Variants in RASGRF1 observed in about 807,000 individuals in gnomAD.
The protein encoded by RASGRF1 is Ras protein specific guanine nucleotide releasing factor 1.
RASGRF1 carries 40 observed loss-of-function variants against 138.7 expected under a neutral mutation model. The ratio of observed to expected loss-of-function variants is 0.29; its 90% CI spans 0.22 to 0.38. The LOEUF (loss-of-function observed/expected upper bound fraction) is 0.38. Ranked by LOEUF, RASGRF1 falls within the 10% of genes least tolerant of loss-of-function variation. The pLI, the probability that RASGRF1 is intolerant of heterozygous loss-of-function variation, is 1.00. For synonymous variants in RASGRF1, 614 were observed against 663.2 expected (o/e 0.93, Z 1.14); for missense variants, 1,108 against 1,650.4 (o/e 0.67, Z 5.69).
chr15:78,984,926 C>G (rs1044308458), intron 23 of RASGRF1, 81 bp downstream of exon 23: 4 of 1,468,984 alleles, frequency 2.7e-6, no homozygotes, highest in Non-Finnish European at 3.8e-6. Flanking sequence ...TTGTGGATGC[C>G]CAGTGGCCAG....
In RASGRF1 at chr15:79,050,836, T is replaced by C. The variant is rs533807443; in HGVS notation, c.532-1248A>G. Among the ~76,000 whole-genome samples the C allele has an allele frequency of 6.6e-6, 1 of 152,204 alleles. No homozygotes were observed. Among genetic ancestry groups the C allele is most frequent in the East Asian group, 1.9e-4 (1 of 5,182 alleles). ...CCTTGTTTTGTGTCCTGTAGCAGGG[T>C]TCCCACAGCACCATGGACTTTCCTG... On this transcript the variant is annotated intron_variant, in intron 3 of 26. Coordinates refer to ENST00000558480, the MANE Select transcript of RASGRF1 (RefSeq NM_001145648.3). This position sits in a 1 kb window ranked among gnomAD's most constrained non-coding sequence, Gnocchi z 4.1.
chr15:79,005,129 G>A, intron 14 of RASGRF1: 1 of 985,484 alleles, frequency 1.0e-6, no homozygotes, highest in East Asian at 1.1e-4. Context: ...CTGGGAATCT[G>A]ATCATTGAGG....
rs1366399662 is a variant in RASGRF1 at position 79,073,007 on chromosome 15, C to T, written c.277-8481G>A. Among the ~76,000 whole-genome samples, 2 of 152,182 alleles carry T rather than the reference C, an allele frequency of 1.3e-5. No individual in the cohort carries two copies. Among genetic ancestry groups the T allele is most frequent in the Non-Finnish European group, 2.9e-5 (2 of 68,042 alleles). ...TTGCCTGGATCCCGGTTGGATTCCT[C>T]TGCGGAACAGCAGCATTGTTCTGGA... On this transcript the variant is annotated intron_variant, in intron 1 of 26. Coordinates refer to ENST00000558480, the MANE Select transcript of RASGRF1 (RefSeq NM_001145648.3). This position sits in a 1 kb window ranked among gnomAD's most constrained non-coding sequence, Gnocchi z 4.2.
At chr15:79,035,854 C>T (rs775369251) in intron 5 of RASGRF1, among the ~76,000 whole-genome samples, 3 of 152,238 alleles carry the variant, frequency 2.0e-5, no homozygotes, top group Non-Finnish European at 2.9e-5. Flanking sequence ...AGTTTCCCAA[C>T]ACCCAGTGAC....
chr15:79,028,434 G>A (rs1233360281), intron 8 of RASGRF1, among the ~76,000 whole-genome samples: 1 of 152,182 alleles, frequency 6.6e-6, no homozygotes, highest in East Asian at 1.9e-4. Context: ...CGCTGGCTCA[G>A]GGGATGACTG....
At chr15:79,018,032 G>A in intron 11 of RASGRF1, 126 bp from the exon 12 acceptor site, 2 of 1,155,056 alleles carry the variant, frequency 1.7e-6, no homozygotes, top group South Asian at 3.0e-5. Flanking sequence ...CAGGCCAATT[G>A]CTGCTACTTT....
At chr15:79,004,209 G>A (rs1269483193) in intron 14 of RASGRF1, 34 bp from the exon 15 acceptor site, 18 of 1,523,690 alleles carry the variant, frequency 1.2e-5, no homozygotes, top group Non-Finnish European at 1.5e-5. Context: ...ATGACAGTTA[G>A]CGTAGGCCTG....
intron 1 of RASGRF1, among the ~76,000 whole-genome samples, chr15:79,085,411 T>C (rs995622507): frequency 5.9e-5 from 9 of 152,216 alleles, no homozygotes; most frequent in African/African-American, 2.2e-4. Flanking sequence ...TCTTACTGGG[T>C]ACTCCAGGTC....
intron 2 of RASGRF1, among the ~76,000 whole-genome samples, chr15:79,059,831 C>T (rs1364848113): frequency 1.3e-5 from 2 of 152,110 alleles, no homozygotes; most frequent in African/African-American, 4.8e-5. Flanking sequence ...GATATTAATA[C>T]ACTCCAGTGC....
At chr15:79,039,663 G>T (rs1229460991) in intron 5 of RASGRF1, among the ~76,000 whole-genome samples, 1 of 152,118 alleles carries the variant, frequency 6.6e-6, no homozygotes, top group Non-Finnish European at 1.5e-5. Context: ...CTTTGTTTAT[G>T]CGTCATCACA....
intron 6 of RASGRF1, among the ~76,000 whole-genome samples, chr15:79,034,298 A>G (rs1214216803): frequency 1.3e-5 from 2 of 152,186 alleles, no homozygotes. Flanking sequence ...GAAAAAAAAA[A>G]AGAAAGACAT....
In RASGRF1 at chr15:78,960,580, T is replaced by C. The variant is rs2141575599; in HGVS notation, c.*1564A>G. 6.6e-6 allele frequency: 1 copy of C among 152,440 alleles called. No individual in the cohort carries two copies. The allele number at this position is 152,440 out of a possible 1,614,324, so 9.4% of individuals were successfully genotyped here. On this transcript the variant is annotated 3_prime_UTR_variant, in exon 27 of 27. Coordinates refer to ENST00000558480, the MANE Select transcript of RASGRF1 (RefSeq NM_001145648.3). ...CCAACTAGAGCACCACCCGGTCCAG[T>C]TGAGCCTTCAGATGACTCCAGTCCC...
intron 10 of RASGRF1, among the ~76,000 whole-genome samples, chr15:79,021,381 T>C (rs1595910332): frequency 6.6e-6 from 1 of 152,202 alleles, no homozygotes; most frequent in South Asian, 2.1e-4. Context: ...AACCCTGTGT[T>C]TGACTTCTTG....
chr15:79,065,689 A>G (rs1298190292), intron 1 of RASGRF1, among the ~76,000 whole-genome samples: 2 of 151,944 alleles, frequency 1.3e-5, no homozygotes, highest in Non-Finnish European at 2.9e-5. Context: ...GGGGTGAGGT[A>G]CAAAGAGGGG....
At chr15:79,070,204 G>A (rs907703495) in intron 1 of RASGRF1, among the ~76,000 whole-genome samples, 2 of 152,204 alleles carry the variant, frequency 1.3e-5, no homozygotes, top group Admixed American at 6.5e-5. Flanking sequence ...GATCTTCTGG[G>A]ACTTTGGAGA....
chr15:79,059,179 CTTCCCTTCCCTTTCCTTCCCTATCT>C (rs1240538030), intron 2 of RASGRF1, among the ~76,000 whole-genome samples: 10 of 150,234 alleles, frequency 6.7e-5, no homozygotes, highest in African/African-American at 2.2e-4. Context: ...CTTCCCTATC[CTTCCCTTCCCTTTCCTTCCCTATCT>C]TTCCCTTCCC....
At chr15:78,962,444 T>C (rs2055565165) in intron 26 of RASGRF1, among the ~76,000 whole-genome samples, 1 of 152,190 alleles carries the variant, frequency 6.6e-6, no homozygotes, top group Non-Finnish European at 1.5e-5. Context: ...TTATTTAATA[T>C]TGTCATAATA....
intron 2 of RASGRF1, among the ~76,000 whole-genome samples, chr15:79,063,065 C>T (rs922216118): frequency 6.6e-6 from 1 of 152,182 alleles, no homozygotes; most frequent in Non-Finnish European, 1.5e-5. Flanking sequence ...TCCCCAGATT[C>T]TCCCATTTCC....
intron 23 of RASGRF1, among the ~76,000 whole-genome samples, chr15:78,982,923 A>C (rs565183420): frequency 6.6e-6 from 1 of 152,220 alleles, no homozygotes; most frequent in South Asian, 2.1e-4. Flanking sequence ...GAGAGGGGTT[A>C]AAAGAAGAAA....
Sources: allele counts gnomAD v4.1 joint callset (sites outside exome capture counted in the v4.1 genomes callset), GRCh38; gene constraint gnomAD v4.1.1; non-coding constraint Gnocchi (gnomAD v3.1); transcripts MANE v1.5; gene names NCBI Gene and HGNC (gene_info 2026-07-23, HGNC 2026-07-21).